KIR2DL4: variants seen among roughly 807,000 people sequenced by gnomAD.
KIR2DL4 encodes the protein killer cell immunoglobulin like receptor, two Ig domains and long cytoplasmic tail 4, also known as killer cell immunoglobulin-like receptor 2DL4.
A neutral mutation model predicts 31.0 loss-of-function variants in KIR2DL4; 41 were observed. The observed-to-expected ratio is 1.32, with a 90% CI of 1.03 to 1.72. The LOEUF is 1.72. KIR2DL4 is among the 40% of genes most tolerant of loss of function. The probability of loss-of-function intolerance (pLI) is 0.00; values close to 1 mark genes in which losing one functional copy is unlikely to be tolerated. For missense variants in KIR2DL4, 438 were observed against 353.7 expected, an observed-to-expected ratio of 1.24 and a Z score of -1.91; for synonymous variants, 164 against 133.6, an observed-to-expected ratio of 1.23 and a Z score of -1.57.
In KIR2DL4 at chr19:54,813,933, G is replaced by A. The variant is rs1449194432; in HGVS notation, c.*133G>A. On this transcript the variant is annotated 3_prime_UTR_variant, in exon 8 of 8. Coordinates refer to ENST00000359085, the Ensembl canonical transcript of KIR2DL4. ...AGAAAAATCACTGGCCCTTCTCAGA[G>A]GAGCAAGAGACCCTCAACAGATACC... is the stretch of plus-strand genomic sequence containing the variant. 1 of 1,612,448 alleles carries A rather than the reference G, an allele frequency of 6.2e-7. No individual in the cohort carries two copies. The highest frequency in any genetic ancestry group is 8.5e-7 in the Non-Finnish European group (1 of 1,179,748).
At chr19:54,805,022 G>T (rs577410556) in exon 3 of KIR2DL4, 29 of 1,610,590 alleles carry the variant, frequency 1.8e-5, no homozygotes, top group African/African-American at 2.7e-5. Context: ...GTTTTCACCC[G>T]CACTCCCCCA....
rs2060321906 is a variant in KIR2DL4, at chr19:54,803,760, G to C, written c.40+69G>C. 4 of 1,582,666 alleles carry C rather than the reference G, an allele frequency of 2.5e-6. No homozygotes were observed. The Admixed American group carries it at 5.0e-5, about 20-fold the overall frequency. On this transcript the variant is annotated intron_variant, in intron 1 of 7. Transcript: ENST00000359085. Reference sequence around the variant, plus strand: ...CTGCAGATTGGGTGTCTCCCCAGCAGAGAGCCATGTTCTGAAGCAAGTGAG... The same window carrying C: ...CTGCAGATTGGGTGTCTCCCCAGCACAGAGCCATGTTCTGAAGCAAGTGAG...
At chr19:54,806,816 T>G (rs657781) in intron 4 of KIR2DL4, among the ~76,000 whole-genome samples, 4 of 148,444 alleles carry the variant, frequency 2.7e-5, no homozygotes, top group Non-Finnish European at 5.9e-5. Context: ...GAGACCAGCC[T>G]GGCCAACATG....
chr19:54,811,030 C>G (rs2060836601), intron 5 of KIR2DL4, among the ~76,000 whole-genome samples: 3 of 151,250 alleles, frequency 2.0e-5, no homozygotes, highest in African/African-American at 7.3e-5. Flanking sequence ...TTTATTTTTC[C>G]TACATGTAAA....
At chr19:54,804,853 A>G in exon 3 of KIR2DL4, 2 of 1,612,374 alleles carry the variant, frequency 1.2e-6, no homozygotes, top group Non-Finnish European at 1.7e-6. Context: ...CAAGGAGGAC[A>G]CGTGACTCTT....
chr19:54,812,587 T>C (rs2060927622), intron 5 of KIR2DL4, among the ~76,000 whole-genome samples: 1 of 149,740 alleles, frequency 6.7e-6, no homozygotes, highest in African/African-American at 2.5e-5. Flanking sequence ...CACGCTGTAC[T>C]AGAAGCAGGA....
chr19:54,811,210 C>T (rs942079245), intron 5 of KIR2DL4, among the ~76,000 whole-genome samples: 1 of 150,820 alleles, frequency 6.6e-6, no homozygotes, highest in African/African-American at 2.5e-5. Flanking sequence ...TCAGCCTGGA[C>T]AACATGGTGA....
exon 1 of KIR2DL4, chr19:54,803,616 G>A (rs987254593): frequency 1.2e-6 from 2 of 1,611,888 alleles, no homozygotes; most frequent in Admixed American, 3.3e-5. Flanking sequence ...GGTCAGTCGA[G>A]CCGAGTCACT....
At chr19:54,809,031 G>A (rs1274520730) in intron 5 of KIR2DL4, 148 bp downstream of exon 5, 1 of 760,998 alleles carries the variant, frequency 1.3e-6, no homozygotes, top group East Asian at 2.5e-5. Flanking sequence ...AACAGCGAAA[G>A]GGATCTGGGC....
chr19:54,808,842 C>T (rs1378172320), exon 5 of KIR2DL4: 57 of 1,594,652 alleles, frequency 3.6e-5, no homozygotes, highest in Non-Finnish European at 1.3e-5. Flanking sequence ...GGAAACCCTT[C>T]TAGTAGTTGG....
chr19:54,813,140 T>G lies in KIR2DL4; in HGVS notation c.722T>G (p.Leu241Arg), dbSNP rs2060968650. ...CTTCCTCCAGGTATCGCCAGACACC[T>G]GCATGCTGTGATTAGGTACTCAGTG... The change falls in exon 6 of 8, where the codon CTG (leucine) becomes CGG (arginine). Residue 241 changes from leucine (L) to arginine (R), a missense_variant. By Grantham distance (102) the Leu-to-Arg change is moderately radical. Transcript: ENST00000359085. 2.0e-6 allele frequency: 3 copies of G among 1,502,914 alleles called. No homozygotes were observed. The Admixed American group carries it at 5.2e-5, about 26-fold the overall frequency. The allele number at this position is 1,502,914 out of a possible 1,614,324, so 93.1% of individuals were successfully genotyped here.
chr19:54,805,440 C>T (rs1395525081), intron 3 of KIR2DL4, among the ~76,000 whole-genome samples: 7 of 150,868 alleles, frequency 4.6e-5, no homozygotes, highest in African/African-American at 1.7e-4. Context: ...ATTAGAGCAG[C>T]ATCGTGGGAT....
At chr19:54,807,309 G>A (rs1383458559) in intron 4 of KIR2DL4, among the ~76,000 whole-genome samples, 20 of 151,388 alleles carry the variant, frequency 1.3e-4, no homozygotes, top group African/African-American at 4.9e-4. Context: ...CTTGGCTACT[G>A]TGAACAGTGC....
intron 4 of KIR2DL4, 55 bp downstream of exon 4, chr19:54,806,299 G>A (rs1165020056): frequency 3.9e-6 from 6 of 1,527,744 alleles, no homozygotes; most frequent in Non-Finnish European, 8.9e-7. Context: ...CTTAGCTGAG[G>A]AGCTTCCTGC....
intron 4 of KIR2DL4, 124 bp downstream of exon 4, chr19:54,806,368 G>A (rs1034651482): frequency 2.0e-5 from 22 of 1,126,660 alleles, no homozygotes; most frequent in Middle Eastern, 4.1e-4. Context: ...GTGTGAGGGT[G>A]GGATCAGGGC....
chr19:54,813,219 C>CAA lies in KIR2DL4; in HGVS notation c.809_810dup (p.Met271LysfsTer21), dbSNP rs11371265. 1,739 of 1,396,560 alleles carry CAA rather than the reference C, an allele frequency of 1.2e-3. No homozygotes were observed. The highest frequency in any genetic ancestry group is 3.5e-3 in the East Asian group (121 of 34,644). The allele number at this position is 1,396,560 out of a possible 1,614,324, so 86.5% of individuals were successfully genotyped here. On this transcript the variant is annotated frameshift_variant, in exon 6 of 8. Transcript: ENST00000359085. LOFTEE classifies it high-confidence loss of function. ...TCTTTCTCCTTCATCGCTGGTGCTCCAAAAAAAAAGTAAGCCTCACGAAGC... is the reference window on the plus strand; with the variant it reads ...TCTTTCTCCTTCATCGCTGGTGCTCCAAAAAAAAAAAGTAAGCCTCACGAAGC...
At chr19:54,813,926 T>A (rs1241943431) in exon 8 of KIR2DL4, 15 of 1,612,266 alleles carry the variant, frequency 9.3e-6, no homozygotes, top group Non-Finnish European at 1.3e-5. Context: ...CACTGGCCCT[T>A]CTCAGAGGAG....
chr19:54,809,994 C>T (rs1475299034), intron 5 of KIR2DL4, among the ~76,000 whole-genome samples: 3 of 149,790 alleles, frequency 2.0e-5, no homozygotes, highest in East Asian at 1.9e-4. Flanking sequence ...AAACAAGGTG[C>T]ATTTGGCCTC....
intron 2 of KIR2DL4, 38 bp downstream of exon 2, chr19:54,803,964 C>A (rs1038999335): frequency 4.4e-6 from 7 of 1,589,652 alleles, no homozygotes; most frequent in Non-Finnish European, 5.2e-6. Flanking sequence ...CCATCTTCAC[C>A]CCAATACAAG....
Sources: allele counts gnomAD v4.1 joint callset (sites outside exome capture counted in the v4.1 genomes callset), GRCh38; gene constraint gnomAD v4.1.1; transcripts MANE v1.5; gene names NCBI Gene and HGNC (gene_info 2026-07-23, HGNC 2026-07-21).